CXCL13: variants seen among roughly 807,000 people sequenced by gnomAD.
CXCL13 encodes the protein C-X-C motif chemokine ligand 13, also known as C-X-C motif chemokine 13.
CXCL13 carries 7 observed loss-of-function variants against 12.2 expected under a neutral mutation model. The ratio of observed to expected loss-of-function variants is 0.57; its 90% CI spans 0.33 to 1.07. The LOEUF (loss-of-function observed/expected upper bound fraction) is 1.07. CXCL13 is among the 50% of genes least tolerant of loss of function. The pLI is 0.04. For missense variants in CXCL13, 113 were observed against 127.4 expected (o/e 0.89, Z 0.55); for synonymous variants, 47 against 42.4 (o/e 1.11, Z -0.42).
Position 77,531,138 on chromosome 4 carries a change from T to G in CXCL13, c.-43+19350T>G, listed in dbSNP as rs534489400. Among the ~76,000 whole-genome samples, 106 of 149,462 alleles carry G rather than the reference T, an allele frequency of 7.1e-4. No homozygotes were observed. The Middle Eastern group carries it at 0.029, about 40-fold the overall frequency. ...ATTATTATTATTATTATTATCATTA[T>G]TATACTTTAAGTTTTAGGGTACATG... is the stretch of plus-strand genomic sequence containing the variant. On this transcript the variant is annotated intron_variant, in intron 1 of 4. Transcript: ENST00000286758.
At chr4:77,563,440 C>G (rs1725860898) in intron 1 of CXCL13, among the ~76,000 whole-genome samples, 1 of 152,180 alleles carries the variant, frequency 6.6e-6, no homozygotes, top group African/African-American at 2.4e-5. Context: ...TTTTATTAAT[C>G]CCACCTCATC....
chr4:77,525,509 T>A (rs983286056), intron 1 of CXCL13, among the ~76,000 whole-genome samples: 1 of 152,176 alleles, frequency 6.6e-6, no homozygotes, highest in Non-Finnish European at 1.5e-5. Context: ...GTGGAAGTGT[T>A]GTTAGTATTT....
At chr4:77,568,263 C>G (rs1725983534) in intron 1 of CXCL13, among the ~76,000 whole-genome samples, 1 of 152,126 alleles carries the variant, frequency 6.6e-6, no homozygotes, top group South Asian at 2.1e-4. Context: ...TTCCTGTATT[C>G]TTTATTTTGG....
At chr4:77,537,537 T>C (rs1725089128) in intron 1 of CXCL13, among the ~76,000 whole-genome samples, 1 of 152,218 alleles carries the variant, frequency 6.6e-6, no homozygotes, top group African/African-American at 2.4e-5. Flanking sequence ...GTGAGGAGCA[T>C]GCTTCAGTAA....
At chr4:77,597,432 C>A (rs1726790539) in intron 1 of CXCL13, among the ~76,000 whole-genome samples, 1 of 152,046 alleles carries the variant, frequency 6.6e-6, no homozygotes, top group Non-Finnish European at 1.5e-5. Flanking sequence ...AGGAGCTTCT[C>A]CATGTGTTGG....
rs369907521 is a variant in CXCL13, at chr4:77,610,697, A to G, written c.278+3A>G. ...AGAATGATGGAAGTATTGAGAAAGT[A>G]AGTTAGGCATAACAAGGGGTTTCAG... On this transcript the variant is annotated splice_donor_region_variant and intron_variant, in intron 3 of 3. Coordinates refer to ENST00000682537, the MANE Select transcript of CXCL13 (RefSeq NM_001371558.1). The G allele has an allele frequency of 3.2e-5, 51 of 1,607,478 alleles. No individual in the cohort carries two copies. The African/African-American group carries it at 5.7e-4, about 18-fold the overall frequency.
At chr4:77,530,217 G>A (rs1053783677) in intron 1 of CXCL13, among the ~76,000 whole-genome samples, 12 of 152,108 alleles carry the variant, frequency 7.9e-5, no homozygotes, top group African/African-American at 2.7e-4. Context: ...TGTTCATCAG[G>A]GATATTGGTC....
chr4:77,573,430 T>C (rs931018060), intron 1 of CXCL13, among the ~76,000 whole-genome samples: 2 of 150,990 alleles, frequency 1.3e-5, no homozygotes, highest in Admixed American at 1.3e-4. Flanking sequence ...ATGTGTTTTA[T>C]GTGTATTTAC....
In CXCL13 at chr4:77,540,705, T is replaced by C. The variant is rs542965178; in HGVS notation, c.-43+28917T>C. On this transcript the variant is annotated intron_variant, in intron 1 of 4. Coordinates refer to the CXCL13 transcript ENST00000286758. The stretch of plus-strand genomic sequence containing the variant: ...CCTAGGCTGATTCTATGCCTGCTAT[T>C]GTGAATAGTTCTGTGATGAACATGC... Among the ~76,000 whole-genome samples, 9 of 152,322 alleles carry C rather than the reference T, an allele frequency of 5.9e-5. No homozygotes were observed. The East Asian group carries it at 1.5e-3, about 26-fold the overall frequency.
intron 1 of CXCL13, among the ~76,000 whole-genome samples, chr4:77,550,853 A>T (rs1725499742): frequency 6.6e-6 from 1 of 152,168 alleles, no homozygotes; most frequent in Non-Finnish European, 1.5e-5. Context: ...TGAATCTTTT[A>T]TCATTATGTC....
chr4:77,558,742 G>T (rs1286479430), intron 1 of CXCL13, among the ~76,000 whole-genome samples: 1 of 152,140 alleles, frequency 6.6e-6, no homozygotes, highest in Non-Finnish European at 1.5e-5. Context: ...CACGTGTCAG[G>T]GTCTTATTTT....
At chr4:77,548,033 ATTTT>A (rs60013876) in intron 1 of CXCL13, among the ~76,000 whole-genome samples, 1 of 151,742 alleles carries the variant, frequency 6.6e-6, no homozygotes, top group Non-Finnish European at 1.5e-5. Context: ...TTGAAAAAAA[ATTTT>A]TTTTAAGGAC....
intron 1 of CXCL13, among the ~76,000 whole-genome samples, chr4:77,530,177 C>A (rs1724871112): frequency 6.6e-6 from 1 of 152,104 alleles, no homozygotes; most frequent in Admixed American, 6.5e-5. Context: ...ATTCAGTTTG[C>A]CAGTATTTTA....
intron 1 of CXCL13, among the ~76,000 whole-genome samples, chr4:77,553,217 G>A (rs998494529): frequency 1.3e-5 from 2 of 152,226 alleles, no homozygotes; most frequent in Non-Finnish European, 2.9e-5. Context: ...CTCCAGGTCT[G>A]TGATGGGGGA....
chr4:77,537,885 C>A (rs575377752), intron 1 of CXCL13, among the ~76,000 whole-genome samples: 25 of 152,284 alleles, frequency 1.6e-4, no homozygotes, highest in Middle Eastern at 3.4e-3. Context: ...AACTCTTGAT[C>A]CAAATCAACC....
At chr4:77,572,297 A>C (rs1560529878) in intron 1 of CXCL13, among the ~76,000 whole-genome samples, 1 of 151,892 alleles carries the variant, frequency 6.6e-6, no homozygotes, top group Non-Finnish European at 1.5e-5. Flanking sequence ...GCTACTCAGG[A>C]AGCTGAGGCA....
chr4:77,567,907 G>A (rs181174400), intron 1 of CXCL13, among the ~76,000 whole-genome samples: 1 of 152,248 alleles, frequency 6.6e-6, no homozygotes, highest in East Asian at 1.9e-4. Context: ...CCAACCAGCA[G>A]CCCTCAGGGC....
chr4:77,577,671 CTT>C (rs1726229426), intron 1 of CXCL13, among the ~76,000 whole-genome samples: 1 of 152,186 alleles, frequency 6.6e-6, no homozygotes, highest in African/African-American at 2.4e-5. Context: ...GTGAAAGCCA[CTT>C]TGATGCCCAT....
At chr4:77,548,740 C>T (rs577952255) in intron 1 of CXCL13, among the ~76,000 whole-genome samples, 2 of 152,292 alleles carry the variant, frequency 1.3e-5, no homozygotes, top group East Asian at 1.9e-4. Context: ...GTGGGTAACC[C>T]GACCTTTCTC....
Sources: allele counts gnomAD v4.1 joint callset (sites outside exome capture counted in the v4.1 genomes callset), GRCh38; gene constraint gnomAD v4.1.1; transcripts MANE v1.5; gene names NCBI Gene and HGNC (gene_info 2026-07-23, HGNC 2026-07-21).